Variants in ZNF740 observed in about 807,000 individuals in gnomAD.
ZNF740 encodes zinc finger protein 740.
A neutral mutation model predicts 24.8 loss-of-function variants in ZNF740; 14 were observed. That is an observed-to-expected ratio of 0.56 (90% CI 0.37 to 0.88). ZNF740 has a LOEUF of 0.88. Ranked by LOEUF, ZNF740 falls within the 40% of genes least tolerant of loss-of-function variation. The pLI is 0.00. For synonymous variants in ZNF740, 69 were observed against 84.0 expected (o/e 0.82, Z 0.98); for missense variants, 201 against 247.9 (o/e 0.81, Z 1.27).
At position 53,190,281 on chromosome 12, in the gene ZNF740, A is replaced by C. The variant is rs1466134456; in HGVS notation, c.*2691A>C. ...CACCGCTGCAGAGGCTCCTGGGCCC[A>C]ATGCCCGACCCCTGCTGGCCAGCAT... On this transcript the variant is annotated 3_prime_UTR_variant, in exon 7 of 7. Coordinates refer to ENST00000416904, the MANE Select transcript of ZNF740 (RefSeq NM_001004304.4). 6.5e-6 allele frequency: 1 copy of C among 152,672 alleles called. No individual in the cohort carries two copies. The highest frequency in any genetic ancestry group is 6.5e-5 in the Admixed American group (1 of 15,286). 9.5% of individuals were successfully genotyped at this position (152,672 alleles called of 1,614,324 possible). A position where few individuals can be genotyped will look rare whatever the true frequency, so the allele number is the denominator to read the frequency against.
chr12:53,181,565 C>T (rs1181605850), intron 1 of ZNF740, 112 bp from the exon 2 acceptor site: 4 of 942,122 alleles, frequency 4.2e-6, no homozygotes, highest in African/African-American at 1.8e-5. Context: ...TGACTCATGT[C>T]CTCGTTCTGA....
chr12:53,181,562 T>G, intron 1 of ZNF740, 115 bp from the exon 2 acceptor site: 1 of 947,950 alleles, frequency 1.1e-6, no homozygotes, highest in African/African-American at 1.8e-5. Flanking sequence ...TCTTGACTCA[T>G]GTCCTCGTTC....
intron 2 of ZNF740, 114 bp downstream of exon 2, chr12:53,182,106 T>C: frequency 3.5e-6 from 5 of 1,436,790 alleles, no homozygotes; most frequent in Non-Finnish European, 4.8e-6. Flanking sequence ...AAGCTCTGTA[T>C]TAAGCACCAG....
At position 53,182,667 on chromosome 12, in the gene ZNF740, C is replaced by G. The variant is rs558422928; in HGVS notation, c.9+675C>G. Among the ~76,000 whole-genome samples, 5 of 152,148 alleles carry G rather than the reference C, an allele frequency of 3.3e-5. No individual in the cohort carries two copies. The South Asian group carries it at 1.0e-3, about 32-fold the overall frequency. On this transcript the variant is annotated intron_variant, in intron 2 of 6. Transcript: ENST00000416904. The stretch of plus-strand genomic sequence containing the variant: ...ACAAAAGGAACAGCATGGGCAGGAG[C>G]TTAGAGTCATGGGAAAATGTGATGA...
Position 53,192,487 on chromosome 12 carries a change from G to A in ZNF740, c.*4897G>A, listed in dbSNP as rs369275515. On this transcript the variant is annotated 3_prime_UTR_variant, in exon 7 of 7. Transcript: ENST00000416904. Reference sequence around the variant, plus strand: ...CATTGGTATGGGCACAAGCTGTACTGCAGTTGGTGGCCAGTGGGCCAGTCC... The same window carrying A: ...CATTGGTATGGGCACAAGCTGTACTACAGTTGGTGGCCAGTGGGCCAGTCC... 4.3e-6 allele frequency: 7 copies of A among 1,614,210 alleles called. No homozygotes were observed. The highest frequency in any genetic ancestry group is 5.1e-6 in the Non-Finnish European group (6 of 1,180,046).
At position 53,194,746 on chromosome 12, in the gene ZNF740, G is replaced by T. The variant is rs1401273432; in HGVS notation, c.*7156G>T. 5.4e-6 allele frequency: 1 copy of T among 186,154 alleles called. No homozygotes were observed. Among genetic ancestry groups the T allele is most frequent in the East Asian group, 1.3e-4 (1 of 7,604 alleles). 11.5% of individuals were successfully genotyped at this position (186,154 alleles called of 1,614,324 possible). ...TACTGTCTCAGATTTTCTTGCCATA[G>T]GTTTAGGAGATGCTCCCTGTTATCA... On this transcript the variant is annotated 3_prime_UTR_variant, in exon 7 of 7. Coordinates refer to ENST00000416904, the MANE Select transcript of ZNF740 (RefSeq NM_001004304.4).
In ZNF740 at chr12:53,185,056, C is replaced by A. The variant is rs377057200; in HGVS notation, c.159+16C>A. 2 of 1,612,526 alleles carry A rather than the reference C, an allele frequency of 1.2e-6. No homozygotes were observed. The highest frequency in any genetic ancestry group is 1.7e-6 in the Non-Finnish European group (2 of 1,178,936). On this transcript the variant is annotated intron_variant, in intron 3 of 6. Coordinates refer to ENST00000416904, the MANE Select transcript of ZNF740 (RefSeq NM_001004304.4). ...CTCGAGTCAGGTACAGCGCTTGAGT[C>A]CATTGTGGCACCTGGGGATCGGGTG...
chr12:53,193,109 A>G lies in ZNF740; in HGVS notation c.*5519A>G, dbSNP rs576001539. On this transcript the variant is annotated 3_prime_UTR_variant, in exon 7 of 7. Coordinates refer to ENST00000416904, the MANE Select transcript of ZNF740 (RefSeq NM_001004304.4). ...TAAGTGCCTTGGGAAGGCCTCTCAG[A>G]CCCCGCCCTTCTCCCCAAGGCTCCA... 1 of 1,575,462 alleles carries G rather than the reference A, an allele frequency of 6.3e-7. No individual in the cohort carries two copies. Among genetic ancestry groups the G allele is most frequent in the Admixed American group, 1.7e-5 (1 of 58,582 alleles).
rs761820105 is a variant in ZNF740, at chr12:53,191,734, G to C, written c.*4144G>C. ...AGCCTTGAGCCGAATCCTAGGAGCTGATGGAAGTTAGCAGAGGGGTTGGTT... is the reference window on the plus strand; with the variant it reads ...AGCCTTGAGCCGAATCCTAGGAGCTCATGGAAGTTAGCAGAGGGGTTGGTT... On this transcript the variant is annotated 3_prime_UTR_variant, in exon 7 of 7. Transcript: ENST00000416904. The C allele has an allele frequency of 1.3e-6, 2 of 1,517,058 alleles. No homozygotes were observed. Among genetic ancestry groups the C allele is most frequent in the Non-Finnish European group, 1.8e-6 (2 of 1,093,620 alleles). The allele number at this position is 1,517,058 out of a possible 1,614,324, so 94.0% of individuals were successfully genotyped here.
In ZNF740 at chr12:53,187,707, G is replaced by A; in HGVS notation, c.*117G>A. On this transcript the variant is annotated 3_prime_UTR_variant, in exon 7 of 7. Coordinates refer to ENST00000416904, the MANE Select transcript of ZNF740 (RefSeq NM_001004304.4). ...GAACCTGTCCCACTCCTGGAGGAGTGGACCCAGGAGACCAGAAGAGTGCAT... is the reference window on the plus strand; with the variant it reads ...GAACCTGTCCCACTCCTGGAGGAGTAGACCCAGGAGACCAGAAGAGTGCAT... 1.3e-6 allele frequency: 1 copy of A among 780,088 alleles called. No homozygotes were observed. Among genetic ancestry groups the A allele is most frequent in the Admixed American group, 2.2e-5 (1 of 45,390 alleles). 48.3% of individuals were successfully genotyped at this position (780,088 alleles called of 1,614,324 possible).
intron 1 of ZNF740, 189 bp downstream of exon 1, chr12:53,181,026 C>T: frequency 1.2e-6 from 1 of 867,888 alleles, no homozygotes; most frequent in Non-Finnish European, 1.4e-6. Flanking sequence ...CCCGCGCGTC[C>T]CGCCGCGTCC....
At position 53,192,447 on chromosome 12, in the gene ZNF740, C is replaced by T; in HGVS notation, c.*4857C>T. The T allele has an allele frequency of 1.9e-6, 3 of 1,614,154 alleles. No homozygotes were observed. The highest frequency in any genetic ancestry group is 1.6e-4 in the Middle Eastern group (1 of 6,062). ...CACCAGCCATCATCCAAGATAGGGG[C>T]CAAGGCCAGGGTCACATTGGTATGG... On this transcript the variant is annotated 3_prime_UTR_variant, in exon 7 of 7. Coordinates refer to ENST00000416904, the MANE Select transcript of ZNF740 (RefSeq NM_001004304.4).
At chr12:53,182,603 T>C (rs1202503672) in intron 2 of ZNF740, among the ~76,000 whole-genome samples, 2 of 151,996 alleles carry the variant, frequency 1.3e-5, no homozygotes, top group East Asian at 3.9e-4. Flanking sequence ...GGTTGAAAGA[T>C]GCATAGGATT....
At position 53,193,879 on chromosome 12, in the gene ZNF740, T is replaced by C; in HGVS notation, c.*6289T>C. ...GGGCTCTGGGAGGCAGTGGGTGGCT[T>C]GGAGAGAAACCCAGAAAGTCACCTG... On this transcript the variant is annotated 3_prime_UTR_variant, in exon 7 of 7. Transcript: ENST00000416904. The C allele has an allele frequency of 1.2e-6, 2 of 1,613,166 alleles. No individual in the cohort carries two copies. Among genetic ancestry groups the C allele is most frequent in the Non-Finnish European group, 1.7e-6 (2 of 1,179,630 alleles).
rs1941933190 is a variant in ZNF740 at position 53,191,297 on chromosome 12, G to GTC, written c.*3707_*3708insTC. On this transcript the variant is annotated 3_prime_UTR_variant, in exon 7 of 7. Coordinates refer to ENST00000416904, the MANE Select transcript of ZNF740 (RefSeq NM_001004304.4). The stretch of plus-strand genomic sequence containing the variant: ...ATAAACAGTCTGCTTTGGCCTTGAT[G>GTC]AGGTAAAGCAAAGTGACAGCTGTGG... 1 of 494,288 alleles carries GTC rather than the reference G, an allele frequency of 2.0e-6. No individual in the cohort carries two copies. Among genetic ancestry groups the GTC allele is most frequent in the African/African-American group, 1.9e-5 (1 of 51,418 alleles). 30.6% of individuals were successfully genotyped at this position (494,288 alleles called of 1,614,324 possible).
chr12:53,184,176 G>GGTGTGT lies in ZNF740; in HGVS notation c.10-695_10-690dup, dbSNP rs143795685. 2.0e-3 allele frequency among the ~76,000 whole-genome samples: 253 copies of GGTGTGT among 128,134 alleles called. 4 individuals carry two copies. The highest frequency in any genetic ancestry group is 6.7e-3 in the African/African-American group (209 of 31,110). 84.1% of individuals were successfully genotyped at this position (128,134 alleles called of 152,430 possible). On this transcript the variant is annotated intron_variant, in intron 2 of 6. Coordinates refer to ENST00000416904, the MANE Select transcript of ZNF740 (RefSeq NM_001004304.4). ...GCGCGCGCGCGCTCTGAAGCTAAGG[G>GGTGTGT]GTGTGTGTGTGTGTGTGTGTGTGTG... is the stretch of plus-strand genomic sequence containing the variant.
At chr12:53,181,307 C>T (rs1047894496) in intron 1 of ZNF740, 24 of 985,290 alleles carry the variant, frequency 2.4e-5, no homozygotes, top group Admixed American at 1.8e-4. Flanking sequence ...CAGCGATGGC[C>T]CTTGAGCTTT....
intron 1 of ZNF740, 22 bp downstream of exon 1, chr12:53,180,859 C>T: frequency 8.0e-7 from 1 of 1,255,840 alleles, no homozygotes; most frequent in Non-Finnish European, 1.0e-6. Context: ...CCCCAAAGAC[C>T]GCAGCGTCGT....
chr12:53,192,758 A>T lies in ZNF740; in HGVS notation c.*5168A>T, dbSNP rs1942003673. 1 of 1,614,112 alleles carries T rather than the reference A, an allele frequency of 6.2e-7. No homozygotes were observed. Among genetic ancestry groups the T allele is most frequent in the African/African-American group, 1.3e-5 (1 of 74,942 alleles). ...CATAGAGCACCATAGTAGCCGTCCA[A>T]GCACTGGCAGCGGTTGCATTTGCAG... On this transcript the variant is annotated 3_prime_UTR_variant, in exon 7 of 7. Transcript: ENST00000416904.
Sources: allele counts gnomAD v4.1 joint callset (sites outside exome capture counted in the v4.1 genomes callset), GRCh38; gene constraint gnomAD v4.1.1; transcripts MANE v1.5; gene names NCBI Gene and HGNC (gene_info 2026-07-23, HGNC 2026-07-21).